APC: variants seen among roughly 807,000 people sequenced by gnomAD.
APC encodes the protein adenomatous polyposis coli protein.
Under a neutral mutation model 247.0 loss-of-function variants are expected in APC, and 72 were observed. That is an observed-to-expected ratio of 0.29 (90% CI 0.24 to 0.35). APC has a LOEUF of 0.35. Ranked by LOEUF, APC falls within the 10% of genes least tolerant of loss-of-function variation. The pLI, the probability that APC is intolerant of heterozygous loss-of-function variation, is 1.00. For synonymous variants in APC, 1,254 were observed against 1,162.5 expected, an observed-to-expected ratio of 1.08 and a Z score of -1.60; for missense variants, 3,400 against 3,360.7, an observed-to-expected ratio of 1.01 and a Z score of -0.29.
At chr5:112,761,573 A>C (rs1201006861) in intron 2 of APC, among the ~76,000 whole-genome samples, 1 of 152,248 alleles carries the variant, frequency 6.6e-6, no homozygotes, top group African/African-American at 2.4e-5. Context: ...AAAAAAGATC[A>C]GTAGAAAATA....
intron 10 of APC, 99 bp from the exon 11 acceptor site, chr5:112,821,797 G>C: frequency 1.1e-6 from 1 of 909,248 alleles, no homozygotes; most frequent in Non-Finnish European, 1.8e-6. Context: ...CCGTGAATTA[G>C]GGTTATATTA....
At chr5:112,801,542 T>C (rs1334333466) in intron 8 of APC, among the ~76,000 whole-genome samples, 159 bp downstream of exon 8, 1 of 152,208 alleles carries the variant, frequency 6.6e-6, no homozygotes, top group Non-Finnish European at 1.5e-5. Flanking sequence ...TCATTTCTCT[T>C]TATTATATCA....
upstream of APC, among the ~76,000 whole-genome samples, chr5:112,737,054 T>G (rs1457462049): frequency 1.3e-5 from 2 of 152,246 alleles, no homozygotes; most frequent in Non-Finnish European, 2.9e-5. Context: ...TTCAACCTCA[T>G]AAAATTGGGA....
At chr5:112,805,825 A>C (rs1288171786) in intron 8 of APC, among the ~76,000 whole-genome samples, 1 of 152,134 alleles carries the variant, frequency 6.6e-6, no homozygotes, top group African/African-American at 2.4e-5. Flanking sequence ...TCTCTTCACC[A>C]CCACGTGGGA....
At chr5:112,749,225 A>G (rs896033885) in intron 1 of APC, among the ~76,000 whole-genome samples, 1 of 152,204 alleles carries the variant, frequency 6.6e-6, no homozygotes, top group African/African-American at 2.4e-5. Context: ...TAGATTTTTC[A>G]AATCAACATT....
intron 6 of APC, among the ~76,000 whole-genome samples, chr5:112,787,632 A>G (rs916868756): frequency 2.6e-5 from 4 of 152,074 alleles, no homozygotes; most frequent in Non-Finnish European, 5.9e-5. Flanking sequence ...CTCATTCCCT[A>G]CTGTTAAATG....
Position 112,827,200 on chromosome 5 carries a change from G to A in APC, c.1501G>A (p.Ala501Thr), listed in dbSNP as rs767897109. The A allele has an allele frequency of 6.2e-7, 1 of 1,613,940 alleles. No individual in the cohort carries two copies. Among genetic ancestry groups the A allele is most frequent in the South Asian group, 1.1e-5 (1 of 91,082 alleles). ...DHYSITLRRY[A>T]GMALTNLTFG... ...CTACAGTATTACACTAAGACGATATGCTGGAATGGCTTTGACAAACTTGAC... is the reference window on the plus strand; with the variant it reads ...CTACAGTATTACACTAAGACGATATACTGGAATGGCTTTGACAAACTTGAC... The change falls in exon 12 of 16, where the codon GCT becomes ACT. Residue 501 changes from alanine (A) to threonine (T), a missense_variant. Physicochemically the swap from Ala to Thr is moderately conservative, Grantham distance 58. Coordinates refer to ENST00000257430, the MANE Select transcript of APC (RefSeq NM_000038.6).
chr5:112,768,734 C>T (rs143983837), intron 4 of APC, among the ~76,000 whole-genome samples: 25 of 150,100 alleles, frequency 1.7e-4, no homozygotes, highest in Admixed American at 6.6e-4. Flanking sequence ...TAGAACACAG[C>T]CCTGTACAGT....
intron 14 of APC, 94 bp downstream of exon 14, chr5:112,829,066 C>A: frequency 1.1e-6 from 1 of 878,876 alleles, no homozygotes; most frequent in Non-Finnish European, 1.9e-6. Context: ...TAATTTCTTA[C>A]CTGTGTATTA....
chr5:112,712,997 C>T (rs918149319), intron 1 of APC, among the ~76,000 whole-genome samples: 1 of 151,928 alleles, frequency 6.6e-6, no homozygotes, highest in African/African-American at 2.4e-5. Flanking sequence ...ATAGTGAAAC[C>T]CCATCTCTAC....
chr5:112,712,795 C>T (rs1266094554), intron 1 of APC, among the ~76,000 whole-genome samples: 1 of 152,216 alleles, frequency 6.6e-6, no homozygotes, highest in East Asian at 1.9e-4. Flanking sequence ...TCTTCTCCCA[C>T]TGTCAATCAC....
intron 7 of APC, among the ~76,000 whole-genome samples, 188 bp from the exon 8 acceptor site, chr5:112,801,091 T>A (rs1211286835): frequency 6.6e-6 from 1 of 152,154 alleles, no homozygotes; most frequent in Non-Finnish European, 1.5e-5. Context: ...ACACTTCACT[T>A]TCCCCTTACC....
Position 112,841,203 on chromosome 5 carries a change from A to G in APC, c.5609A>G (p.Asp1870Gly), listed in dbSNP as rs1189738231. The change falls in exon 16 of 16, where the codon GAT becomes GGT. Residue 1870 changes from aspartate to glycine, a missense_variant. By Grantham distance (94) the Asp-to-Gly change is moderately conservative (BLOSUM62 -1). Coordinates refer to ENST00000257430, the MANE Select transcript of APC (RefSeq NM_000038.6). This position sits in a 1 kb window ranked among gnomAD's most constrained non-coding sequence, Gnocchi z 4.6. The part of the protein sequence containing the change: ...DSLSSLDFDD[D>G]DVDLSREKAE... Reference sequence around the variant, plus strand: ...TTGAGTTCTCTAGATTTTGATGATGATGATGTTGACCTTTCCAGGGAAAAG... The same window carrying G: ...TTGAGTTCTCTAGATTTTGATGATGGTGATGTTGACCTTTCCAGGGAAAAG... The G allele has an allele frequency of 1.2e-6, 2 of 1,613,974 alleles. No individual in the cohort carries two copies. The highest frequency in any genetic ancestry group is 1.3e-5 in the African/African-American group (1 of 75,024).
chr5:112,830,586 A>G (rs1354258003), intron 14 of APC, among the ~76,000 whole-genome samples: 2 of 151,558 alleles, frequency 1.3e-5, no homozygotes, highest in African/African-American at 4.9e-5. Flanking sequence ...TGACACGAAG[A>G]CTTACACACA....
intron 1 of APC, among the ~76,000 whole-genome samples, chr5:112,726,100 G>T (rs1751761890): frequency 6.6e-6 from 1 of 152,150 alleles, no homozygotes; most frequent in Admixed American, 6.5e-5. Context: ...AGTGCCCCTG[G>T]GCTCCGGCCC....
At chr5:112,747,583 A>G (rs1342601990) in intron 1 of APC, among the ~76,000 whole-genome samples, 1 of 152,222 alleles carries the variant, frequency 6.6e-6, no homozygotes, top group Admixed American at 6.5e-5. Flanking sequence ...TAGTGAATTA[A>G]TCTCCCAAAT....
chr5:112,814,539 A>C (rs965466454), intron 8 of APC, among the ~76,000 whole-genome samples: 2 of 152,166 alleles, frequency 1.3e-5, no homozygotes, highest in Non-Finnish European at 2.9e-5. Context: ...GTTCAAGCCA[A>C]TTAATTTGAA....
At position 112,798,946 on chromosome 5, in the gene APC, A is replaced by C. The variant is rs76500274; in HGVS notation, c.730-2333A>C. ...GGATAATGGCCGGGCACTGTGGCTC[A>C]TGCCTGTAATCCCAGCACTTTGGGA... On this transcript the variant is annotated intron_variant, in intron 7 of 15. Coordinates refer to ENST00000257430, the MANE Select transcript of APC (RefSeq NM_000038.6). Among the ~76,000 whole-genome samples the C allele has an allele frequency of 6.9e-4, 105 of 152,252 alleles. 1 individual carries two copies. In the East Asian group the frequency reaches 0.016, roughly 23 times the overall value.
At chr5:112,772,418 G>C (rs1757157552) in intron 4 of APC, among the ~76,000 whole-genome samples, 1 of 151,900 alleles carries the variant, frequency 6.6e-6, no homozygotes, top group Non-Finnish European at 1.5e-5. Context: ...TCTTAAACTT[G>C]ATAGTAGCAA....
Sources: gnomAD v4.1 joint callset for allele counts (sites outside exome capture counted in the v4.1 genomes callset) on GRCh38, gnomAD v4.1.1 for gene constraint, Gnocchi (gnomAD v3.1) non-coding constraint, MANE v1.5 for transcripts, NCBI Gene and HGNC (gene_info 2026-07-23, HGNC 2026-07-21) for gene names.